SLC4A8: variants seen among roughly 807,000 people sequenced by gnomAD.
SLC4A8 encodes the protein electroneutral sodium bicarbonate exchanger 1.
SLC4A8 carries 40 observed loss-of-function variants against 125.0 expected under a neutral mutation model. The ratio of observed to expected loss-of-function variants is 0.32; its 90% confidence interval spans 0.25 to 0.42. SLC4A8 has a LOEUF of 0.42. Among genes scored for constraint, SLC4A8 ranks in the 10% least tolerant of loss-of-function variants. The pLI, the probability that SLC4A8 is intolerant of heterozygous loss-of-function variation, is 1.00. For synonymous variants in SLC4A8, 456 were observed against 476.0 expected, an observed-to-expected ratio of 0.96 and a Z score of 0.55; for missense variants, 863 against 1,355.1, an observed-to-expected ratio of 0.64 and a Z score of 5.70.
chr12:51,471,421 C>G lies in SLC4A8; in HGVS notation c.1793C>G (p.Ala598Gly), dbSNP rs746444864. ...YITRFTEEAF[A>G]SLICIIFIYE... ...ACCCGTTTCACTGAAGAAGCATTTG[C>G]CTCCCTAATTTGCATTATTTTCATC... Residue 598 changes from alanine (A) to glycine (G), a missense_variant, in exon 14 of 25, where the codon GCC (alanine) becomes GGC (glycine). This residue lies in a region of SLC4A8 where 390 missense variants were observed against 634.4 expected (regional missense o/e 0.61). Coordinates refer to ENST00000453097, the MANE Select transcript of SLC4A8 (RefSeq NM_001039960.3). 4.3e-6 allele frequency: 7 copies of G among 1,614,152 alleles called. No individual in the cohort carries two copies. The highest frequency in any genetic ancestry group is 1.1e-5 in the South Asian group (1 of 91,076).
chr12:51,395,241 C>T, intron 1 of SLC4A8, among the ~76,000 whole-genome samples: 1 of 152,216 alleles, frequency 6.6e-6, no homozygotes, highest in East Asian at 1.9e-4. Flanking sequence ...ATATTCCTGA[C>T]TGAAAGTTCC....
In SLC4A8 at chr12:51,463,746, C is replaced by A. The variant is rs778741299; in HGVS notation, c.1349+32C>A. On this transcript the variant is annotated intron_variant, in intron 11 of 24. Coordinates refer to ENST00000453097, the MANE Select transcript of SLC4A8 (RefSeq NM_001039960.3). ...CCTGGGACGTTTCACAGCGATGCTG[C>A]TTATTGGGTAGAAGTTATGCAAAGG... The A allele has an allele frequency of 3.5e-6, 5 of 1,430,474 alleles. No individual in the cohort carries two copies. The Admixed American group carries it at 6.8e-5, about 20-fold the overall frequency. The allele number at this position is 1,430,474 out of a possible 1,614,324, so 88.6% of individuals were successfully genotyped here. A position where few individuals can be genotyped will look rare whatever the true frequency, so the allele number is the denominator to read the frequency against.
chr12:51,487,556 C>A (rs1565815457), intron 17 of SLC4A8, among the ~76,000 whole-genome samples: 1 of 152,128 alleles, frequency 6.6e-6, no homozygotes, highest in Non-Finnish European at 1.5e-5. Flanking sequence ...AGTTGGTATC[C>A]CTGGCCTTTT....
At chr12:51,485,691 C>A in intron 16 of SLC4A8, 96 bp from the exon 17 acceptor site, 1 of 648,580 alleles carries the variant, frequency 1.5e-6, no homozygotes, top group South Asian at 2.1e-5. Context: ...AAGATGAAAA[C>A]ATTCTTCTGA....
intron 1 of SLC4A8, among the ~76,000 whole-genome samples, chr12:51,393,052 TA>T (rs1948182929): frequency 2.6e-5 from 3 of 116,952 alleles, no homozygotes; most frequent in South Asian, 2.9e-4. Flanking sequence ...CTTTCTTTCT[TA>T]CTCTCTCTGT....
At chr12:51,460,162 T>C in intron 8 of SLC4A8, 54 bp downstream of exon 8, 2 of 1,399,250 alleles carry the variant, frequency 1.4e-6, no homozygotes, top group Non-Finnish European at 2.0e-6. Flanking sequence ...ATTTATGTAG[T>C]GCTGGTAGAA....
intron 16 of SLC4A8, among the ~76,000 whole-genome samples, chr12:51,478,160 A>G (rs1592251130): frequency 6.6e-6 from 1 of 152,104 alleles, no homozygotes; most frequent in Admixed American, 6.5e-5. Flanking sequence ...CTCTAGTCCC[A>G]GCTACTCGGG....
At chr12:51,404,235 T>A (rs1016734620) in intron 1 of SLC4A8, among the ~76,000 whole-genome samples, 2 of 152,164 alleles carry the variant, frequency 1.3e-5, no homozygotes, top group East Asian at 3.8e-4. Flanking sequence ...TCTGTGGAAG[T>A]TGACTCCTGA....
At chr12:51,460,129 C>A (rs754825529) in intron 8 of SLC4A8, 21 bp downstream of exon 8, 1 of 1,602,196 alleles carries the variant, frequency 6.2e-7, no homozygotes, top group South Asian at 1.1e-5. Context: ...AGATAAAACT[C>A]ATGCATTCTA....
intron 1 of SLC4A8, among the ~76,000 whole-genome samples, chr12:51,434,961 G>A (rs1949352450): frequency 6.6e-6 from 1 of 152,244 alleles, no homozygotes; most frequent in Admixed American, 6.5e-5. Context: ...ATTGTACTGG[G>A]TGCTGGGTAG....
At position 51,425,029 on chromosome 12, in the gene SLC4A8, C is replaced by T. The variant is rs1322753316; in HGVS notation, c.42C>T (p.Ser14=). ...GTAACGAGCCGGACGGCGTCCTCAG[C>T]TATCAGGTAGGGCCCCGCCTCCCGC... The part of the protein sequence containing the change: ...AGSNEPDGVL[S]YQRPDEEAVV... The change falls in exon 1 of 25, where the codon AGC becomes AGT. Residue 14 remains serine, a synonymous_variant. Transcript: ENST00000453097. 13 of 1,557,022 alleles carry T rather than the reference C, an allele frequency of 8.3e-6. No homozygotes were observed. The highest frequency in any genetic ancestry group is 1.1e-5 in the Non-Finnish European group (13 of 1,151,110).
intron 16 of SLC4A8, among the ~76,000 whole-genome samples, chr12:51,476,691 A>G (rs780769568): frequency 1.3e-5 from 2 of 152,050 alleles, no homozygotes; most frequent in African/African-American, 2.4e-5. Flanking sequence ...CCAGTCCTCT[A>G]TTGGGGGATA....
chr12:51,398,898 C>T (rs1197361117), intron 1 of SLC4A8, among the ~76,000 whole-genome samples: 5 of 152,204 alleles, frequency 3.3e-5, no homozygotes, highest in African/African-American at 4.8e-5. Context: ...TACAGGCGTG[C>T]GCAACCACGC....
intron 1 of SLC4A8, among the ~76,000 whole-genome samples, chr12:51,416,644 A>C (rs993481448): frequency 6.6e-6 from 1 of 152,124 alleles, no homozygotes; most frequent in Non-Finnish European, 1.5e-5. Context: ...CTCTGTCTCA[A>C]AACAAAACAA....
At chr12:51,506,527 C>T (rs1036168949) in intron 24 of SLC4A8, among the ~76,000 whole-genome samples, 6 of 151,964 alleles carry the variant, frequency 3.9e-5, no homozygotes, top group African/African-American at 7.3e-5. Flanking sequence ...CTCTGCCATC[C>T]GGGCTCAAGC....
At position 51,515,345 on chromosome 12, in the gene SLC4A8, G is replaced by C. The variant is rs1592294079; in HGVS notation, c.*7907G>C. On this transcript the variant is annotated 3_prime_UTR_variant, in exon 25 of 25. Coordinates refer to ENST00000453097, the MANE Select transcript of SLC4A8 (RefSeq NM_001039960.3). ...CTGTCTGTCTGATTGGTTAGATTTG[G>C]CTGCCCTTCCAAGCTAATGGTGTCA... is the stretch of plus-strand genomic sequence containing the variant. The C allele has an allele frequency of 6.6e-6, 1 of 152,276 alleles. No individual in the cohort carries two copies. The highest frequency in any genetic ancestry group is 2.1e-4 in the South Asian group (1 of 4,828). 9.4% of individuals were successfully genotyped at this position (152,276 alleles called of 1,614,324 possible). A position where few individuals can be genotyped will look rare whatever the true frequency, so the allele number is the denominator to read the frequency against.
At chr12:51,486,122 G>A (rs190291068) in intron 17 of SLC4A8, among the ~76,000 whole-genome samples, 1 of 152,182 alleles carries the variant, frequency 6.6e-6, no homozygotes, top group Admixed American at 6.5e-5. Flanking sequence ...TTTAATGAAT[G>A]AAAAGTATTA....
chr12:51,417,048 G>A (rs749486938), intron 1 of SLC4A8, among the ~76,000 whole-genome samples: 34 of 152,008 alleles, frequency 2.2e-4, no homozygotes, highest in Non-Finnish European at 3.5e-4. Flanking sequence ...TTGCATCCAG[G>A]AGTTTGAGGC....
At chr12:51,392,239 A>AT (rs1948135767) in intron 1 of SLC4A8, 1 of 152,272 alleles carries the variant, frequency 6.6e-6, no homozygotes, top group Non-Finnish European at 1.5e-5. Flanking sequence ...TCAAAGTGGG[A>AT]TCCCCCACCA....
Sources: gnomAD v4.1 joint callset for allele counts (sites outside exome capture counted in the v4.1 genomes callset) on GRCh38, gnomAD v4.1.1 for gene constraint, gnomAD v4.1.1 regional missense constraint, MANE v1.5 for transcripts, NCBI Gene and HGNC (gene_info 2026-07-23, HGNC 2026-07-21) for gene names.